The following UTRN variants were observed in gnomAD, a reference collection of about 807,000 sequenced individuals.
UTRN encodes utrophin.
In UTRN, 283 loss-of-function variants were observed where a neutral mutation model predicts 463.9. The observed-to-expected ratio is 0.61, with a 90% CI of 0.55 to 0.67. The LOEUF (loss-of-function observed/expected upper bound fraction) is 0.67. Among genes scored for constraint, UTRN ranks in the 30% least tolerant of loss-of-function variants. The pLI is 0.00. For synonymous variants in UTRN, 1,442 were observed against 1,431.5 expected (o/e 1.01, Z -0.17); for missense variants, 3,922 against 4,084.3 (o/e 0.96, Z 1.08).
intron 66 of UTRN, among the ~76,000 whole-genome samples, chr6:144,822,159 A>G (rs1779659254): frequency 2.0e-5 from 3 of 152,262 alleles, no homozygotes; most frequent in East Asian, 1.9e-4. Context: ...TGTCTCAAAC[A>G]TGTCAAAATA....
intron 54 of UTRN, 70 bp downstream of exon 54, chr6:144,730,556 G>T: frequency 7.0e-7 from 1 of 1,436,406 alleles, no homozygotes; most frequent in South Asian, 1.6e-5. Context: ...AATCAAGTAG[G>T]AAATTTCCTT....
At chr6:144,536,641 C>T (rs540644993) in intron 43 of UTRN, among the ~76,000 whole-genome samples, 1 of 152,032 alleles carries the variant, frequency 6.6e-6, no homozygotes, top group South Asian at 2.1e-4. Context: ...ATGAAAACTC[C>T]TAGCTGCAAA....
intron 52 of UTRN, among the ~76,000 whole-genome samples, chr6:144,688,487 G>C (rs112769545): frequency 0.013 from 1,995 of 152,172 alleles, 46 homozygotes; most frequent in African/African-American, 0.046. Context: ...CCTTCTCATT[G>C]CAGAAAACTA....
At chr6:144,846,639 GA>G (rs141547294) in intron 73 of UTRN, among the ~76,000 whole-genome samples, 165 bp from the exon 74 acceptor site, 4 of 149,302 alleles carry the variant, frequency 2.7e-5, no homozygotes, top group South Asian at 2.1e-4. Flanking sequence ...ATTAAGCCAG[GA>G]AAAAAAAAAT....
intron 2 of UTRN, among the ~76,000 whole-genome samples, chr6:144,309,585 G>A (rs1412036677): frequency 6.6e-6 from 1 of 152,088 alleles, no homozygotes; most frequent in African/African-American, 2.4e-5. Context: ...TACAGAATCC[G>A]GTCATATTTT....
At chr6:144,780,940 G>A (rs17194806) in intron 60 of UTRN, among the ~76,000 whole-genome samples, 2 of 152,034 alleles carry the variant, frequency 1.3e-5, no homozygotes, top group Non-Finnish European at 2.9e-5. Context: ...ATTTCAAATC[G>A]CACCTCTCCA....
At chr6:144,594,657 T>C (rs1354004462) in intron 51 of UTRN, among the ~76,000 whole-genome samples, 1 of 152,178 alleles carries the variant, frequency 6.6e-6, no homozygotes, top group Non-Finnish European at 1.5e-5. Context: ...ACTTTTAAAA[T>C]GTACAATTCA....
At position 144,357,729 on chromosome 6, in the gene UTRN, C is replaced by T. The variant is rs150723959; in HGVS notation, c.80-45394C>T. 7.2e-3 allele frequency among the ~76,000 whole-genome samples: 1,092 copies of T among 152,322 alleles called. 14 individuals carry two copies. The highest frequency in any genetic ancestry group is 0.025 in the African/African-American group (1,037 of 41,566). ...TATTTTTTTTCCTCCTTTGAATCCA[C>T]GTAGGTGTTTTTGGGAAACATTTAT... is the stretch of plus-strand genomic sequence containing the variant. On this transcript the variant is annotated intron_variant, in intron 2 of 74. Coordinates refer to ENST00000367545, the MANE Select transcript of UTRN (RefSeq NM_007124.3).
Position 144,851,108 on chromosome 6 carries a change from T to C in UTRN, c.*111T>C. The C allele has an allele frequency of 7.4e-7, 1 of 1,345,510 alleles. No individual in the cohort carries two copies. Among genetic ancestry groups the C allele is most frequent in the East Asian group, 2.3e-5 (1 of 43,542 alleles). 83.3% of individuals were successfully genotyped at this position (1,345,510 alleles called of 1,614,324 possible). On this transcript the variant is annotated 3_prime_UTR_variant, in exon 75 of 75. Coordinates refer to ENST00000367545, the MANE Select transcript of UTRN (RefSeq NM_007124.3). ...AGCTCCATGGCTCCTTGGCCCACGA[T>C]GTTGAGTGCTGACTGTGTGTTCTAC...
chr6:144,304,769 C>T (rs1168001741), intron 2 of UTRN, among the ~76,000 whole-genome samples: 1 of 151,916 alleles, frequency 6.6e-6, no homozygotes, highest in Non-Finnish European at 1.5e-5. Flanking sequence ...GTATCCTAAG[C>T]ATAATGGTGA....
chr6:144,786,386 A>G (rs1331546455), intron 61 of UTRN, among the ~76,000 whole-genome samples: 1 of 152,158 alleles, frequency 6.6e-6, no homozygotes, highest in Non-Finnish European at 1.5e-5. Context: ...CCCTGGTTCA[A>G]GCGATTTTCC....
At chr6:144,795,536 G>A (rs1446619162) in intron 63 of UTRN, among the ~76,000 whole-genome samples, 2 of 152,148 alleles carry the variant, frequency 1.3e-5, no homozygotes, top group African/African-American at 4.8e-5. Context: ...AGCATCTGGT[G>A]TTTCCTGACT....
intron 68 of UTRN, 113 bp from the exon 69 acceptor site, chr6:144,828,677 T>C: frequency 1.9e-6 from 2 of 1,053,818 alleles, no homozygotes; most frequent in Non-Finnish European, 2.9e-6. Context: ...GAGATTTGGA[T>C]CTTTCTATGT....
At chr6:144,497,470 T>A (rs1367078387) in intron 33 of UTRN, among the ~76,000 whole-genome samples, 4 of 149,074 alleles carry the variant, frequency 2.7e-5, no homozygotes, top group African/African-American at 7.4e-5. Context: ...AGGTCAGGAG[T>A]TTGAGACCAG....
chr6:144,409,150 C>T (rs920508855), intron 3 of UTRN, among the ~76,000 whole-genome samples: 4 of 152,182 alleles, frequency 2.6e-5, no homozygotes, highest in Non-Finnish European at 4.4e-5. Context: ...GATACTTTGG[C>T]TATACTTATG....
chr6:144,363,432 CTGTTTCTTTGTAGCATTATTACTATT>C (rs1282015772), intron 2 of UTRN, among the ~76,000 whole-genome samples: 2 of 152,174 alleles, frequency 1.3e-5, no homozygotes, highest in African/African-American at 4.8e-5. Flanking sequence ...CTGGTCGGAC[CTGTTTCTTTGTAGCATTATTACTATT>C]TGTTTATTTT....
chr6:144,332,903 C>T (rs1776438747), intron 2 of UTRN, among the ~76,000 whole-genome samples: 1 of 145,202 alleles, frequency 6.9e-6, no homozygotes, highest in African/African-American at 2.6e-5. Context: ...TGATATTAAC[C>T]TTTTATTTAT....
intron 73 of UTRN, among the ~76,000 whole-genome samples, chr6:144,841,840 G>A (rs1036478705): frequency 2.0e-5 from 3 of 151,986 alleles, no homozygotes; most frequent in Non-Finnish European, 1.5e-5. Context: ...GGCTGGGCAC[G>A]GTGGCTCACA....
At chr6:144,848,892 G>A (rs1389664931) in intron 74 of UTRN, among the ~76,000 whole-genome samples, 2 of 152,086 alleles carry the variant, frequency 1.3e-5, no homozygotes, top group Non-Finnish European at 1.5e-5. Context: ...GAGTCATATA[G>A]TCTGATGATA....
Sources: allele counts gnomAD v4.1 joint callset (sites outside exome capture counted in the v4.1 genomes callset), GRCh38; gene constraint gnomAD v4.1.1; transcripts MANE v1.5; gene names NCBI Gene and HGNC (gene_info 2026-07-23, HGNC 2026-07-21).